The following CMKLR2 variants were observed in gnomAD, a reference collection of about 807,000 sequenced individuals.
The protein encoded by CMKLR2 is chemerin-like receptor 2.
CMKLR2 carries 18 observed loss-of-function variants against 23.0 expected under a neutral mutation model. The ratio of observed to expected loss-of-function variants is 0.78; its 90% CI spans 0.54 to 1.16. CMKLR2 has a LOEUF of 1.16. Ranked by LOEUF, CMKLR2 falls within the 50% of genes most tolerant of loss-of-function variation. The probability of loss-of-function intolerance (pLI) is 0.00; values close to 1 mark genes in which losing one functional copy is unlikely to be tolerated. For missense variants in CMKLR2, 401 were observed against 412.7 expected (o/e 0.97, Z 0.25); for synonymous variants, 158 against 158.9 (o/e 0.99, Z 0.05).
At chr2:206,210,759 C>G (rs1559100812) in intron 1 of CMKLR2, among the ~76,000 whole-genome samples, 2 of 152,104 alleles carry the variant, frequency 1.3e-5, no homozygotes, top group Admixed American at 6.6e-5. Context: ...CCGTGCCCGG[C>G]CTGCAAATAG....
At chr2:206,192,481 T>G (rs138725210) in intron 1 of CMKLR2, among the ~76,000 whole-genome samples, 1,625 of 151,848 alleles carry the variant, frequency 0.011, 30 homozygotes, top group African/African-American at 0.037. Flanking sequence ...GGTGGGAGGA[T>G]TGCTTGAGGT....
chr2:206,210,156 G>A (rs1303566561), intron 1 of CMKLR2, among the ~76,000 whole-genome samples: 1 of 151,728 alleles, frequency 6.6e-6, no homozygotes, highest in African/African-American at 2.4e-5. Flanking sequence ...TAGAGACGGG[G>A]TTTCACCATG....
intron 1 of CMKLR2, among the ~76,000 whole-genome samples, chr2:206,206,656 A>T (rs1487117811): frequency 1.3e-5 from 2 of 152,176 alleles, no homozygotes; most frequent in Non-Finnish European, 2.9e-5. Context: ...GCTTATTTCA[A>T]GAATGTCTGT....
intron 1 of CMKLR2, chr2:206,203,607 G>C (rs976097187): frequency 2.6e-5 from 4 of 152,274 alleles, no homozygotes; most frequent in Non-Finnish European, 4.4e-5. Flanking sequence ...CCTTCCCACA[G>C]ACCTTGTCCC....
At chr2:206,217,476 C>A (rs1003583205), upstream of CMKLR2, 12 of 152,162 alleles carry the variant, frequency 7.9e-5, no homozygotes, top group African/African-American at 2.9e-4. Flanking sequence ...TAAATGAGGA[C>A]GAAGCCTTGT....
At chr2:206,212,013 G>A (rs531394525) in intron 1 of CMKLR2, among the ~76,000 whole-genome samples, 1 of 151,740 alleles carries the variant, frequency 6.6e-6, no homozygotes, top group Admixed American at 6.6e-5. Flanking sequence ...TTCATTTGCT[G>A]GTGCCTGATA....
intron 1 of CMKLR2, among the ~76,000 whole-genome samples, chr2:206,208,643 CT>C (rs111399492): frequency 0.017 from 2,406 of 145,456 alleles, 34 homozygotes; most frequent in African/African-American, 0.043. Flanking sequence ...ATATATGTAA[CT>C]TTTTTTTTTT....
chr2:206,214,196 C>T (rs1419256424), upstream of CMKLR2, among the ~76,000 whole-genome samples: 2 of 91,042 alleles, frequency 2.2e-5, no homozygotes, highest in African/African-American at 8.4e-5. Context: ...TTTTTTGAGA[C>T]GGAGTCTCGC....
At chr2:206,193,256 G>A (rs974491848) in intron 1 of CMKLR2, among the ~76,000 whole-genome samples, 1 of 152,116 alleles carries the variant, frequency 6.6e-6, no homozygotes. Context: ...CCGCCACCAT[G>A]CCCAGTTAGC....
intron 1 of CMKLR2, among the ~76,000 whole-genome samples, chr2:206,211,280 G>T (rs1369047191): frequency 1.3e-5 from 2 of 152,120 alleles, no homozygotes; most frequent in East Asian, 3.9e-4. Flanking sequence ...GTTACGTAAA[G>T]CACTTAACAT....
chr2:206,202,418 T>C (rs1053500184), intron 1 of CMKLR2, among the ~76,000 whole-genome samples: 3 of 152,202 alleles, frequency 2.0e-5, no homozygotes, highest in Admixed American at 2.0e-4. Context: ...TGGAGTCAGA[T>C]TGGCTAAAGA....
At chr2:206,194,458 CTTT>C (rs369564233) in intron 1 of CMKLR2, among the ~76,000 whole-genome samples, 11 of 127,694 alleles carry the variant, frequency 8.6e-5, no homozygotes, top group Admixed American at 8.6e-5. Context: ...TCGTTATGGG[CTTT>C]TTTTTTTTTT....
chr2:206,187,315 G>A (rs1390994528), intron 1 of CMKLR2, among the ~76,000 whole-genome samples: 2 of 152,150 alleles, frequency 1.3e-5, no homozygotes, highest in South Asian at 2.1e-4. Context: ...GAATGAAGTA[G>A]AAGTGGGTCA....
At chr2:206,194,977 C>T (rs1456190965) in intron 1 of CMKLR2, among the ~76,000 whole-genome samples, 1 of 149,510 alleles carries the variant, frequency 6.7e-6, no homozygotes, top group Non-Finnish European at 1.5e-5. Context: ...AAGATGGTCT[C>T]GATCTCCTGA....
chr2:206,194,162 A>G lies in CMKLR2; in HGVS notation c.-28-16887T>C, dbSNP rs187317872. On this transcript the variant is annotated intron_variant, in intron 1 of 1. Transcript: ENST00000621141. Reference sequence around the variant, plus strand: ...TCCGGAGAGGTAATACATGAACTCAATGAAGGGGAGGGAAGGGAAACTTGT... The same window carrying G: ...TCCGGAGAGGTAATACATGAACTCAGTGAAGGGGAGGGAAGGGAAACTTGT... Among the ~76,000 whole-genome samples, 40 of 152,342 alleles carry G rather than the reference A, an allele frequency of 2.6e-4. 1 individual carries two copies. The highest frequency in any genetic ancestry group is 6.8e-3 in the Middle Eastern group (2 of 292).
intron 1 of CMKLR2, among the ~76,000 whole-genome samples, chr2:206,191,453 T>C (rs886494066): frequency 1.3e-5 from 2 of 152,066 alleles, no homozygotes; most frequent in Admixed American, 1.3e-4. Flanking sequence ...AGATTTTAAG[T>C]AGAGATTCAA....
At chr2:206,215,231 G>T (rs1294667650), upstream of CMKLR2, among the ~76,000 whole-genome samples, 1 of 152,176 alleles carries the variant, frequency 6.6e-6, no homozygotes, top group Non-Finnish European at 1.5e-5. Flanking sequence ...CGGATGAATA[G>T]ATGTCGTCAG....
intron 1 of CMKLR2, among the ~76,000 whole-genome samples, chr2:206,188,695 G>T (rs1369075890): frequency 6.6e-6 from 1 of 152,146 alleles, no homozygotes; most frequent in Non-Finnish European, 1.5e-5. Context: ...GCTGCTTGGA[G>T]GACCCACGTT....
chr2:206,182,119 G>A (rs1317078901), intron 1 of CMKLR2, among the ~76,000 whole-genome samples: 1 of 151,944 alleles, frequency 6.6e-6, no homozygotes, highest in East Asian at 1.9e-4. Flanking sequence ...GGGGTGGTAG[G>A]GGCAGAGGGA....
Sources: gnomAD v4.1 joint callset for allele counts (sites outside exome capture counted in the v4.1 genomes callset) on GRCh38, gnomAD v4.1.1 for gene constraint, MANE v1.5 for transcripts, NCBI Gene and HGNC (gene_info 2026-07-23, HGNC 2026-07-21) for gene names.